The following PIGB variants were observed in gnomAD, a reference collection of about 807,000 sequenced individuals.
The protein encoded by PIGB is phosphatidylinositol glycan anchor biosynthesis class B, also known as GPI alpha-1,2-mannosyltransferase 3.
A neutral mutation model predicts 68.4 loss-of-function variants in PIGB; 58 were observed. The ratio of observed to expected loss-of-function variants is 0.85; its 90% CI spans 0.69 to 1.06. PIGB has a LOEUF of 1.06. Among genes scored for constraint, PIGB ranks in the 50% least tolerant of loss-of-function variants. The probability of loss-of-function intolerance (pLI) is 0.00; values close to 1 mark genes in which losing one functional copy is unlikely to be tolerated. For synonymous variants in PIGB, 219 were observed against 220.5 expected (o/e 0.99, Z 0.06); for missense variants, 634 against 655.8 (o/e 0.97, Z 0.36).
chr15:55,354,731 T>G, intron 10 of PIGB, 67 bp from the exon 11 acceptor site: 1 of 1,240,240 alleles, frequency 8.1e-7, no homozygotes, highest in Non-Finnish European at 1.1e-6. Context: ...ATAAATGACA[T>G]ATCTTAAGAC....
At chr15:55,354,408 C>CTACTT (rs1211036291) in intron 10 of PIGB, among the ~76,000 whole-genome samples, 1 of 151,850 alleles carries the variant, frequency 6.6e-6, no homozygotes, top group Admixed American at 6.6e-5. Context: ...TCACAGTTTC[C>CTACTT]TACTTTATCA....
At chr15:55,329,935 G>C in intron 5 of PIGB, 81 bp downstream of exon 5, 1 of 980,980 alleles carries the variant, frequency 1.0e-6, no homozygotes, top group Non-Finnish European at 1.5e-6. Context: ...GTAATGTCTA[G>C]TAGACCCCCT....
At chr15:55,334,460 A>G (rs542295777) in intron 6 of PIGB, among the ~76,000 whole-genome samples, 1 of 152,290 alleles carries the variant, frequency 6.6e-6, no homozygotes, top group African/African-American at 2.4e-5. Context: ...GCTGGTTGCT[A>G]TACTGGTATT....
intron 9 of PIGB, among the ~76,000 whole-genome samples, chr15:55,345,652 G>T (rs1285327470): frequency 1.3e-5 from 2 of 152,144 alleles, no homozygotes; most frequent in Non-Finnish European, 2.9e-5. Flanking sequence ...CCAGCTACTT[G>T]GGAGGCTGAG....
At chr15:55,346,264 A>G (rs867260837) in intron 9 of PIGB, 4 of 152,240 alleles carry the variant, frequency 2.6e-5, no homozygotes, top group African/African-American at 9.6e-5. Context: ...TCAGGTTTTT[A>G]GATTTTATCC....
In PIGB at chr15:55,347,992, T is replaced by C. The variant is rs527765112; in HGVS notation, c.1124-2707T>C. Among the ~76,000 whole-genome samples, 578 of 135,588 alleles carry C rather than the reference T, an allele frequency of 4.3e-3. 3 individuals carry two copies. Among genetic ancestry groups the C allele is most frequent in the Non-Finnish European group, 6.4e-3 (416 of 65,478 alleles). The allele number at this position is 135,588 out of a possible 152,430, so 89.0% of individuals were successfully genotyped here. On this transcript the variant is annotated intron_variant, in intron 9 of 11. Coordinates refer to ENST00000164305, the MANE Select transcript of PIGB (RefSeq NM_004855.5). Reference sequence around the variant, plus strand: ...CCTAGTGCCATAGTTTCTTTTTTTTTTTTTTTTTTTTTTTTGAGACGACAT... The same window carrying C: ...CCTAGTGCCATAGTTTCTTTTTTTTCTTTTTTTTTTTTTTTGAGACGACAT...
chr15:55,330,473 G>A (rs2055388569), intron 5 of PIGB, among the ~76,000 whole-genome samples: 1 of 152,120 alleles, frequency 6.6e-6, no homozygotes, highest in Non-Finnish European at 1.5e-5. Flanking sequence ...CAAATACCAC[G>A]CAATGGGAAC....
At chr15:55,347,780 CAG>C (rs2055827579) in intron 9 of PIGB, among the ~76,000 whole-genome samples, 4 of 152,110 alleles carry the variant, frequency 2.6e-5, no homozygotes. Context: ...GAGCTAAGCT[CAG>C]AGAGTTAAAA....
At chr15:55,346,212 G>C (rs1189463683) in intron 9 of PIGB, 3 of 152,148 alleles carry the variant, frequency 2.0e-5, no homozygotes, top group African/African-American at 7.2e-5. Flanking sequence ...AAGAGATATG[G>C]CTTTATAAAG....
At chr15:55,342,516 C>G (rs751678901) in intron 9 of PIGB, among the ~76,000 whole-genome samples, 1 of 152,114 alleles carries the variant, frequency 6.6e-6, no homozygotes, top group South Asian at 2.1e-4. Flanking sequence ...CTCAGCCTCC[C>G]GAGTAGCTGG....
At chr15:55,324,735 A>G (rs2141166898) in intron 3 of PIGB, 1 of 770,596 alleles carries the variant, frequency 1.3e-6, no homozygotes, top group Non-Finnish European at 1.6e-6. Context: ...GTTGGCTCAT[A>G]TTAAGTTTGT....
At chr15:55,322,283 C>T (rs1459062102) in intron 3 of PIGB, among the ~76,000 whole-genome samples, 1 of 152,138 alleles carries the variant, frequency 6.6e-6, no homozygotes, top group African/African-American at 2.4e-5. Flanking sequence ...TACATCTAAA[C>T]CCACTGAGGA....
intron 4 of PIGB, 79 bp from the exon 5 acceptor site, chr15:55,329,645 G>A (rs2055369369): frequency 9.0e-7 from 1 of 1,107,516 alleles, no homozygotes; most frequent in African/African-American, 1.6e-5. Context: ...ATTTAGACTT[G>A]CTTGCTATTT....
intron 4 of PIGB, among the ~76,000 whole-genome samples, chr15:55,328,762 T>A (rs1258228596): frequency 6.6e-6 from 1 of 152,158 alleles, no homozygotes; most frequent in African/African-American, 2.4e-5. Context: ...GGTCCGGAGT[T>A]CGAGACCAGC....
At chr15:55,347,406 C>T (rs1000786544) in intron 9 of PIGB, among the ~76,000 whole-genome samples, 1 of 152,194 alleles carries the variant, frequency 6.6e-6, no homozygotes, top group African/African-American at 2.4e-5. Context: ...CCCGCCTGGG[C>T]GAAAGAGCGA....
chr15:55,355,182 C>A, intron 11 of PIGB, 104 bp from the exon 12 acceptor site: 2 of 999,608 alleles, frequency 2.0e-6, no homozygotes, highest in Non-Finnish European at 2.9e-6. Context: ...TTTTATTAAG[C>A]AAAAAGTTGT....
intron 9 of PIGB, among the ~76,000 whole-genome samples, chr15:55,348,135 C>T (rs1198121008): frequency 1.3e-5 from 2 of 152,036 alleles, no homozygotes; most frequent in African/African-American, 2.4e-5. Flanking sequence ...TACAGGCATG[C>T]GCCTCCACAC....
chr15:55,338,272 G>T (rs919967550), intron 6 of PIGB, among the ~76,000 whole-genome samples: 4 of 152,122 alleles, frequency 2.6e-5, no homozygotes, highest in African/African-American at 9.7e-5. Context: ...CCTTGAACAT[G>T]GGCTAGATTT....
intron 10 of PIGB, among the ~76,000 whole-genome samples, chr15:55,351,377 G>T (rs779263365): frequency 3.4e-4 from 51 of 151,962 alleles, no homozygotes; most frequent in Non-Finnish European, 7.2e-4. Flanking sequence ...AAAGTGCGGG[G>T]ATTACAGGTG....
Sources: gnomAD v4.1 joint callset for allele counts (sites outside exome capture counted in the v4.1 genomes callset) on GRCh38, gnomAD v4.1.1 for gene constraint, MANE v1.5 for transcripts, NCBI Gene and HGNC (gene_info 2026-07-23, HGNC 2026-07-21) for gene names.